The following POMK variants were observed in gnomAD, a reference collection of about 807,000 sequenced individuals.
POMK encodes the protein protein O-mannose kinase, also known as Sugen kinase 196.
Under a neutral mutation model 23.0 loss-of-function variants are expected in POMK, and 19 were observed. That is an observed-to-expected ratio of 0.83 (90% CI 0.58 to 1.21). The LOEUF (loss-of-function observed/expected upper bound fraction) is 1.21. POMK is among the 50% of genes most tolerant of loss of function. POMK has a pLI of 0.00. For missense variants in POMK, 410 were observed against 431.3 expected (o/e 0.95, Z 0.44); for synonymous variants, 173 against 171.6 (o/e 1.01, Z -0.06).
intron 4 of POMK, among the ~76,000 whole-genome samples, chr8:43,113,562 C>T (rs1811727011): frequency 6.6e-6 from 1 of 152,232 alleles, no homozygotes; most frequent in South Asian, 2.1e-4. Flanking sequence ...TGAATTTCCT[C>T]CTGTAGCTCG....
At chr8:43,111,457 A>G (rs983260244) in intron 4 of POMK, among the ~76,000 whole-genome samples, 1 of 152,216 alleles carries the variant, frequency 6.6e-6, no homozygotes, top group Admixed American at 6.5e-5. Context: ...CCACAGCTCA[A>G]GGAGGCCTGC....
In POMK at chr8:43,122,941, G is replaced by A; in HGVS notation, c.*64G>A. ...AATGGAAGTTACAGCATTCTACTCT[G>A]ATGGTGGAGTTTTTTGCCTGAGTTT... is the stretch of plus-strand genomic sequence containing the variant. On this transcript the variant is annotated 3_prime_UTR_variant, in exon 5 of 5. Transcript: ENST00000331373. The A allele has an allele frequency of 7.0e-7, 1 of 1,435,534 alleles. No individual in the cohort carries two copies. The highest frequency in any genetic ancestry group is 9.3e-7 in the Non-Finnish European group (1 of 1,069,858). The allele number at this position is 1,435,534 out of a possible 1,614,324, so 88.9% of individuals were successfully genotyped here.
Position 43,122,992 on chromosome 8 carries a change from T to G in POMK, c.*115T>G. 1.1e-6 allele frequency: 1 copy of G among 918,650 alleles called. No homozygotes were observed. The highest frequency in any genetic ancestry group is 1.6e-6 in the Non-Finnish European group (1 of 611,636). 56.9% of individuals were successfully genotyped at this position (918,650 alleles called of 1,614,324 possible). On this transcript the variant is annotated 3_prime_UTR_variant, in exon 5 of 5. Coordinates refer to ENST00000331373, the MANE Select transcript of POMK (RefSeq NM_032237.5). ...CGTGTTTTATTGTTTTTTTTATGGC[T>G]TAGCCATGTGGTTCGTTGTCCACAT...
intron 4 of POMK, among the ~76,000 whole-genome samples, chr8:43,110,937 G>C (rs1563339392): frequency 6.6e-6 from 1 of 151,578 alleles, no homozygotes; most frequent in Admixed American, 6.6e-5. Flanking sequence ...AAAAAGTCTT[G>C]GGGGTGAAGC....
At chr8:43,107,392 C>T (rs753985273) in intron 4 of POMK, among the ~76,000 whole-genome samples, 5 of 151,580 alleles carry the variant, frequency 3.3e-5, no homozygotes, top group African/African-American at 4.8e-5. Flanking sequence ...TTTTTTTTTC[C>T]GAGATGGAGC....
chr8:43,104,031 G>C (rs1481206632), intron 4 of POMK, among the ~76,000 whole-genome samples: 1 of 152,228 alleles, frequency 6.6e-6, no homozygotes, highest in Non-Finnish European at 1.5e-5. Context: ...AGTAGGCATA[G>C]GTTTCAGCCC....
At chr8:43,094,414 G>C (rs566733482) in intron 1 of POMK, among the ~76,000 whole-genome samples, 1 of 152,274 alleles carries the variant, frequency 6.6e-6, no homozygotes, top group East Asian at 1.9e-4. Context: ...AGAAAGGACC[G>C]AGGACTCTGT....
intron 4 of POMK, among the ~76,000 whole-genome samples, chr8:43,114,053 G>A (rs573870706): frequency 1.8e-3 from 278 of 152,224 alleles, no homozygotes; most frequent in Non-Finnish European, 2.9e-3. Flanking sequence ...GCTGCTTGGG[G>A]GTCAGGGGTC....
Position 43,112,938 on chromosome 8 carries a change from C to A in POMK, c.282+9108C>A, listed in dbSNP as rs189998503. Among the ~76,000 whole-genome samples, 6 of 152,266 alleles carry A rather than the reference C, an allele frequency of 3.9e-5. No homozygotes were observed. In the East Asian group the frequency reaches 1.2e-3, roughly 29 times the overall value. ...AGCGCTAAACATGGAAAGGAACAAC[C>A]GGTACCAGCCACTGCAAAATCATGC... On this transcript the variant is annotated intron_variant, in intron 4 of 4. Transcript: ENST00000331373.
intron 4 of POMK, among the ~76,000 whole-genome samples, chr8:43,104,707 G>A (rs1395969302): frequency 1.3e-5 from 2 of 152,220 alleles, no homozygotes; most frequent in East Asian, 1.9e-4. Flanking sequence ...CACTTTGGGA[G>A]GCGGAGGTGG....
intron 1 of POMK, among the ~76,000 whole-genome samples, chr8:43,096,533 C>T (rs1811338479): frequency 6.6e-6 from 1 of 152,094 alleles, no homozygotes. Flanking sequence ...GTGGCACGTG[C>T]CTGTAATCCC....
Position 43,103,662 on chromosome 8 carries a change from C to T in POMK, c.114C>T (p.Leu38=), listed in dbSNP as rs182189714. 2.2e-5 allele frequency: 35 copies of T among 1,614,048 alleles called. No homozygotes were observed. The East Asian group carries it at 4.5e-4, about 21-fold the overall frequency. Reference sequence around the variant, plus strand: ...TGAATACTCTGCTCTACCTCTGCCTCGACCACTTCTTCATCGCTCCTCGAC... The same window carrying T: ...TGAATACTCTGCTCTACCTCTGCCTTGACCACTTCTTCATCGCTCCTCGAC... ...ALMNTLLYLC[L]DHFFIAPRQS... is the part of the protein sequence containing the mutation. Residue 38 remains leucine (L), a synonymous_variant, in exon 4 of 5, where the codon CTC becomes CTT. Coordinates refer to ENST00000331373, the MANE Select transcript of POMK (RefSeq NM_032237.5).
At chr8:43,093,920 A>G (rs1213432428) in intron 1 of POMK, among the ~76,000 whole-genome samples, 2 of 152,210 alleles carry the variant, frequency 1.3e-5, no homozygotes, top group Non-Finnish European at 2.9e-5. Flanking sequence ...TGTCTCCGTA[A>G]AAAAGCACTT....
intron 2 of POMK, among the ~76,000 whole-genome samples, chr8:43,098,151 T>G (rs779752137): frequency 6.6e-6 from 1 of 152,202 alleles, no homozygotes; most frequent in Non-Finnish European, 1.5e-5. Context: ...AACCATAACA[T>G]TTGACATTTT....
chr8:43,097,282 G>A lies in POMK; in HGVS notation c.-209-242G>A, dbSNP rs145899252. On this transcript the variant is annotated intron_variant, in intron 1 of 4. Coordinates refer to ENST00000331373, the MANE Select transcript of POMK (RefSeq NM_032237.5). ...ATTTGCATTTCTCCCAGGTTCCTGG[G>A]CTATGACGCCACAGGTCTGGGGAGC... Among the ~76,000 whole-genome samples the A allele has an allele frequency of 3.9e-3, 592 of 152,332 alleles. 4 individuals carry two copies. The highest frequency in any genetic ancestry group is 0.013 in the African/African-American group (545 of 41,580).
At chr8:43,111,709 C>A (rs182790183) in intron 4 of POMK, among the ~76,000 whole-genome samples, 68 of 152,318 alleles carry the variant, frequency 4.5e-4, no homozygotes, top group African/African-American at 1.5e-3. Flanking sequence ...GCCAGGTACT[C>A]CTCTGAGACA....
intron 4 of POMK, among the ~76,000 whole-genome samples, chr8:43,105,733 C>G (rs545355001): frequency 1.3e-5 from 2 of 152,062 alleles, no homozygotes; most frequent in African/African-American, 4.8e-5. Flanking sequence ...GATGCAGTCT[C>G]GACTCACTAC....
chr8:43,105,433 G>C (rs1266576305), intron 4 of POMK, among the ~76,000 whole-genome samples: 2 of 152,164 alleles, frequency 1.3e-5, no homozygotes, highest in African/African-American at 4.8e-5. Flanking sequence ...AACTTGTAGT[G>C]TTTAACTTTC....
intron 4 of POMK, among the ~76,000 whole-genome samples, chr8:43,110,452 C>A (rs1811628536): frequency 6.6e-6 from 1 of 152,214 alleles, no homozygotes; most frequent in African/African-American, 2.4e-5. Flanking sequence ...GGCCTAACAA[C>A]CTTTGAATTG....
Sources: allele counts gnomAD v4.1 joint callset (sites outside exome capture counted in the v4.1 genomes callset), GRCh38; gene constraint gnomAD v4.1.1; transcripts MANE v1.5; gene names NCBI Gene and HGNC (gene_info 2026-07-23, HGNC 2026-07-21).